ATP6AP2: variants seen among roughly 807,000 people sequenced by gnomAD.
ATP6AP2 encodes renin receptor.
In ATP6AP2, 1 loss-of-function variant was observed where a neutral mutation model predicts 23.4. That is an observed-to-expected ratio of 0.04 (90% CI 0.02 to 0.20). The LOEUF is 0.20. Among genes scored for constraint, ATP6AP2 ranks in the 10% least tolerant of loss-of-function variants. The pLI is 1.00. For missense variants in ATP6AP2, 174 were observed against 271.3 expected, an observed-to-expected ratio of 0.64 and a Z score of 2.52; for synonymous variants, 90 against 97.1, an observed-to-expected ratio of 0.93 and a Z score of 0.43.
chrX:40,592,981 C>T (rs1926672935), intron 3 of ATP6AP2, among the ~76,000 whole-genome samples: 1 of 112,403 alleles, frequency 8.9e-6, no homozygotes, highest in Admixed American at 9.4e-5. Context: ...GGCACCATGG[C>T]TCACGCCTGT....
chrX:40,582,101 GA>G (rs1428108628), intron 1 of ATP6AP2, among the ~76,000 whole-genome samples: 1 of 112,027 alleles, frequency 8.9e-6, no homozygotes, highest in South Asian at 3.7e-4. Flanking sequence ...CGGCTTGGAG[GA>G]ATGGGTGCTC....
chrX:40,599,117 C>A, intron 6 of ATP6AP2: 1 of 221,181 alleles, frequency 4.5e-6, no homozygotes, highest in South Asian at 7.7e-5. Flanking sequence ...CGAAATCCGT[C>A]TGAAGGGTAT....
At chrX:40,592,975 C>T (rs1436869571) in intron 3 of ATP6AP2, among the ~76,000 whole-genome samples, 3 of 112,028 alleles carry the variant, frequency 2.7e-5, no homozygotes, top group African/African-American at 9.7e-5. Flanking sequence ...GAGCCCGGCA[C>T]CATGGCTCAC....
chrX:40,598,091 GTAAC>G, intron 5 of ATP6AP2: 1 of 184,488 alleles, frequency 5.4e-6, no homozygotes, highest in Non-Finnish European at 1.0e-5. Flanking sequence ...TGTGGATCTG[GTAAC>G]TTGGAAGCCA....
chrX:40,583,856 T>C (rs1327437553), intron 1 of ATP6AP2, among the ~76,000 whole-genome samples: 1 of 111,711 alleles, frequency 9.0e-6, no homozygotes, highest in African/African-American at 3.3e-5. Flanking sequence ...GAAGGTGGTA[T>C]CATCCTTCAA....
At chrX:40,601,292 A>G (rs1282329449) in intron 8 of ATP6AP2, among the ~76,000 whole-genome samples, 15 of 109,841 alleles carry the variant, frequency 1.4e-4, no homozygotes, top group Non-Finnish European at 2.3e-4. Flanking sequence ...ACATAGCAAG[A>G]CCCTGTTTTG....
chrX:40,586,939 G>T (rs763907696), intron 1 of ATP6AP2, among the ~76,000 whole-genome samples: 22 of 112,359 alleles, frequency 2.0e-4, no homozygotes, highest in Middle Eastern at 4.6e-3. Context: ...CTCAAAACAA[G>T]GGTATCTCCA....
intron 3 of ATP6AP2, among the ~76,000 whole-genome samples, chrX:40,593,239 T>TC (rs1926685352): frequency 9.2e-6 from 1 of 108,936 alleles, no homozygotes; most frequent in South Asian, 4.0e-4. Context: ...AGAGCGAGAC[T>TC]CCATCTGGGA....
At chrX:40,598,528 C>A in intron 5 of ATP6AP2, 153 bp from the exon 6 acceptor site, 1 of 568,077 alleles carries the variant, frequency 1.8e-6, no homozygotes, top group Non-Finnish European at 2.9e-6. Context: ...TATGCATTTT[C>A]AATTGAAGCA....
intron 1 of ATP6AP2, among the ~76,000 whole-genome samples, chrX:40,585,643 C>G (rs981589405): frequency 9.0e-6 from 1 of 110,656 alleles, no homozygotes; most frequent in African/African-American, 3.3e-5. Flanking sequence ...TGTTTGAGGT[C>G]AGGAGTTCGA....
Position 40,581,164 on chromosome X carries a change from T to A in ATP6AP2, c.37+62T>A, listed in dbSNP as rs1407967690. The A allele has an allele frequency of 3.3e-6, 3 of 895,616 alleles. No individual in the cohort carries two copies. The African/African-American group carries it at 6.4e-5, about 19-fold the overall frequency. 73.8% of individuals were successfully genotyped at this position (895,616 alleles called of 1,213,427 possible). On this transcript the variant is annotated intron_variant, in intron 1 of 8. Coordinates refer to ENST00000636580, the MANE Select transcript of ATP6AP2 (RefSeq NM_005765.3). ...GGTCCTGCGCCGCGGGGCTTGGGGGTCGGGGGCGGCCGCGGGCGAGTAGCT... is the reference window on the plus strand; with the variant it reads ...GGTCCTGCGCCGCGGGGCTTGGGGGACGGGGGCGGCCGCGGGCGAGTAGCT...
At position 40,605,938 on chromosome X, in the gene ATP6AP2, T is replaced by A. The variant is rs982869730; in HGVS notation, c.*183T>A. 5.5e-5 allele frequency: 24 copies of A among 437,115 alleles called. No individual in the cohort carries two copies. The African/African-American group carries it at 5.6e-4, about 10-fold the overall frequency. The allele number at this position is 437,115 out of a possible 1,213,427, so 36.0% of individuals were successfully genotyped here. Reference sequence around the variant, plus strand: ...GAGTGAATTATAGTATTGACGTGAATCCCACTGTGGTATAGATTCCATAAT... The same window carrying A: ...GAGTGAATTATAGTATTGACGTGAAACCCACTGTGGTATAGATTCCATAAT... On this transcript the variant is annotated 3_prime_UTR_variant, in exon 9 of 9. Transcript: ENST00000636580.
intron 1 of ATP6AP2, among the ~76,000 whole-genome samples, chrX:40,588,334 G>GCCCCCC (rs58929123): frequency 8.1e-5 from 1 of 12,411 alleles, no homozygotes; most frequent in African/African-American, 1.9e-4. Context: ...TGACATGTAT[G>GCCCCCC]CCCCCCCCCC....
At chrX:40,601,403 A>T (rs1156815613) in intron 8 of ATP6AP2, among the ~76,000 whole-genome samples, 1 of 111,381 alleles carries the variant, frequency 9.0e-6, no homozygotes, top group African/African-American at 3.3e-5. Context: ...GTAGTCCCTC[A>T]CTTACTGAGA....
At chrX:40,585,036 T>C (rs1972900417) in intron 1 of ATP6AP2, among the ~76,000 whole-genome samples, 1 of 112,577 alleles carries the variant, frequency 8.9e-6, no homozygotes, top group African/African-American at 3.2e-5. Flanking sequence ...TGAGCCATCA[T>C]GCCTGGCCTA....
intron 1 of ATP6AP2, among the ~76,000 whole-genome samples, chrX:40,588,344 C>T (rs918006508): frequency 4.6e-5 from 3 of 65,224 alleles, no homozygotes; most frequent in African/African-American, 1.7e-4. Context: ...GCCCCCCCCC[C>T]CCCCCAACAT....
chrX:40,596,469 T>C (rs114171810), intron 3 of ATP6AP2, among the ~76,000 whole-genome samples: 3,118 of 111,035 alleles, frequency 0.028, 98 homozygotes, highest in African/African-American at 0.096. Flanking sequence ...GGGATAGAAG[T>C]CAGAATTTTT....
rs748093444 is a variant in ATP6AP2, at chrX:40,602,191, A to C, written c.858+1310A>C. On this transcript the variant is annotated intron_variant, in intron 8 of 8. Coordinates refer to ENST00000636580, the MANE Select transcript of ATP6AP2 (RefSeq NM_005765.3). Reference sequence around the variant, plus strand: ...CAGCTACTTGGAAGGCTGAGGCAGGAGAATTGCTTGTACCCGGGAGGCAGA... The same window carrying C: ...CAGCTACTTGGAAGGCTGAGGCAGGCGAATTGCTTGTACCCGGGAGGCAGA... Among the ~76,000 whole-genome samples the C allele has an allele frequency of 2.0e-5, 2 of 100,521 alleles. 1 individual carries two copies. The highest frequency in any genetic ancestry group is 9.1e-5 in the African/African-American group (2 of 21,950). The allele number at this position is 100,521 out of a possible 115,157, so 87.3% of individuals were successfully genotyped here.
chrX:40,603,862 T>C (rs2146546328), intron 8 of ATP6AP2, among the ~76,000 whole-genome samples: 1 of 111,986 alleles, frequency 8.9e-6, no homozygotes, highest in African/African-American at 3.2e-5. Context: ...TGTCTGAGCC[T>C]CCTGAGTAGC....
Sources: gnomAD v4.1 joint callset for allele counts (sites outside exome capture counted in the v4.1 genomes callset) on GRCh38, gnomAD v4.1.1 for gene constraint, MANE v1.5 for transcripts, NCBI Gene and HGNC (gene_info 2026-07-23, HGNC 2026-07-21) for gene names.